Variants in AP3D1 observed in about 807,000 individuals in gnomAD.
AP3D1 encodes the protein AP-3 complex subunit delta-1.
AP3D1 carries 51 observed loss-of-function variants against 147.6 expected under a neutral mutation model. The observed-to-expected ratio is 0.35, with a 90% CI of 0.28 to 0.44. AP3D1 has a LOEUF of 0.44. Among genes scored for constraint, AP3D1 ranks in the 20% least tolerant of loss-of-function variants. The pLI is 1.00. For missense variants in AP3D1, 1,421 were observed against 1,624.2 expected, an observed-to-expected ratio of 0.87 and a Z score of 2.15; for synonymous variants, 760 against 663.0, an observed-to-expected ratio of 1.15 and a Z score of -2.25.
rs762618929 is a variant in AP3D1, at chr19:2,111,350, G to C, written c.2938-18C>G. ...GACTCAGGCTGGAAATAGAAAAGGC[G>C]CATCAGCCTTGGGGGCCCCGAGCTC... is the stretch of plus-strand genomic sequence containing the variant. On this transcript the variant is annotated intron_variant, in intron 25 of 31. Coordinates refer to ENST00000643116, the MANE Select transcript of AP3D1 (RefSeq NM_001261826.3). 1 of 1,613,710 alleles carries C rather than the reference G, an allele frequency of 6.2e-7. No homozygotes were observed. The highest frequency in any genetic ancestry group is 1.3e-5 in the African/African-American group (1 of 74,936).
In AP3D1 at chr19:2,119,779, C is replaced by T. The variant is rs2018560135; in HGVS notation, c.1482-947G>A. On this transcript the variant is annotated intron_variant, in intron 14 of 31. Transcript: ENST00000643116. ...TGAAACCCCATCTCTAATAAGAATACAAAAAAATTAGCCAGGCTTGAGCTT... is the reference window on the plus strand; with the variant it reads ...TGAAACCCCATCTCTAATAAGAATATAAAAAAATTAGCCAGGCTTGAGCTT... 3.6e-5 allele frequency among the ~76,000 whole-genome samples: 5 copies of T among 140,800 alleles called. No individual in the cohort carries two copies. In the Admixed American group the frequency reaches 3.6e-4, roughly 10 times the overall value. 92.4% of individuals were successfully genotyped at this position (140,800 alleles called of 152,430 possible).
chr19:2,115,490 C>G lies in AP3D1; in HGVS notation c.2149+48G>C, dbSNP rs200697680. 1,065 of 1,610,528 alleles carry G rather than the reference C, an allele frequency of 6.6e-4. 11 individuals carry two copies. Among genetic ancestry groups the G allele is most frequent in the Non-Finnish European group, 1.1e-4 (134 of 1,178,592 alleles). On this transcript the variant is annotated intron_variant, in intron 19 of 31. Coordinates refer to ENST00000643116, the MANE Select transcript of AP3D1 (RefSeq NM_001261826.3). ...TCACGGGGAGGGCGGCGGGAGCACC[C>G]CACAGCCCATGTGACAAATGCGGCG... is the stretch of plus-strand genomic sequence containing the variant.
intron 1 of AP3D1, among the ~76,000 whole-genome samples, chr19:2,157,373 C>T: frequency 7.1e-6 from 1 of 140,792 alleles, no homozygotes; most frequent in Non-Finnish European, 1.5e-5. Context: ...ACCCGGGAGG[C>T]AGAGCTTGCA....
chr19:2,108,329 G>C (rs113435217), intron 31 of AP3D1, among the ~76,000 whole-genome samples: 1 of 152,238 alleles, frequency 6.6e-6, no homozygotes, highest in African/African-American at 2.4e-5. Flanking sequence ...GGAGCGGAGG[G>C]AGCGAGGAGT....
At chr19:2,153,352 C>A (rs1345407978), upstream of AP3D1, among the ~76,000 whole-genome samples, 2 of 134,202 alleles carry the variant, frequency 1.5e-5, no homozygotes, top group African/African-American at 2.7e-5. Context: ...CTAGGCTGGG[C>A]AAAAGAGCGA....
rs1463115015 is a variant in AP3D1 at position 2,138,717 on chromosome 19, A to G, written c.97-3T>C. ...ATGCACTGAGATATGTATTTTGCCT[A>G]TAATGGGGGATAAACACAGAGATTA... On this transcript the variant is annotated splice_polypyrimidine_tract_variant and splice_region_variant and intron_variant, in intron 1 of 31. Coordinates refer to ENST00000643116, the MANE Select transcript of AP3D1 (RefSeq NM_001261826.3). The G allele has an allele frequency of 3.1e-6, 5 of 1,596,998 alleles. No homozygotes were observed. The South Asian group carries it at 4.4e-5, about 14-fold the overall frequency.
Position 2,109,662 on chromosome 19 carries a change from GGGTGACGCTGCCTGGCCTGT to G in AP3D1, c.3350+191_3350+210del, listed in dbSNP as rs1330591797. 11 of 584,900 alleles carry G rather than the reference GGGTGACGCTGCCTGGCCTGT, an allele frequency of 1.9e-5. No homozygotes were observed. In the East Asian group the frequency reaches 2.9e-4, roughly 15 times the overall value. 36.2% of individuals were successfully genotyped at this position (584,900 alleles called of 1,614,324 possible). A position where few individuals can be genotyped will look rare whatever the true frequency, so the allele number is the denominator to read the frequency against. ...GACTTCCAGGGGCCTGGACCTCTAT[GGGTGACGCTGCCTGGCCTGT>G]GGCTTCAACTACACGGCCCCGGCTG... On this transcript the variant is annotated intron_variant, in intron 29 of 31. Transcript: ENST00000643116.
intron 29 of AP3D1, 49 bp downstream of exon 29, chr19:2,109,824 G>A (rs772305509): frequency 6.4e-7 from 1 of 1,559,086 alleles, no homozygotes; most frequent in South Asian, 1.1e-5. Flanking sequence ...CAAGGTAGAG[G>A]GGAGGCGGAG....
At chr19:2,128,016 T>C (rs940616337) in intron 8 of AP3D1, among the ~76,000 whole-genome samples, 1 of 152,192 alleles carries the variant, frequency 6.6e-6, no homozygotes, top group African/African-American at 2.4e-5. Context: ...CATGGTGAAA[T>C]GTACTAATGA....
chr19:2,110,628 C>A (rs2018244428), intron 27 of AP3D1, 79 bp downstream of exon 27: 1 of 1,407,384 alleles, frequency 7.1e-7, no homozygotes, highest in African/African-American at 1.4e-5. Flanking sequence ...GCAACAAGAA[C>A]CAGCGGATCC....
Position 2,110,771 on chromosome 19 carries a change from C to T in AP3D1, c.3111G>A (p.Arg1037=), listed in dbSNP as rs574773348. 7.4e-6 allele frequency: 12 copies of T among 1,612,828 alleles called. No homozygotes were observed. The South Asian group carries it at 1.1e-4, about 15-fold the overall frequency. The part of the protein sequence containing the change: ...ELSVLDSLNA[R]MARPQGSSVH... Reference sequence around the variant, plus strand: ...CGGAGGAGCCCTGCGGCCGGGCCATCCTGGCATTGAGTGAGTCCAGCACGC... The same window carrying T: ...CGGAGGAGCCCTGCGGCCGGGCCATTCTGGCATTGAGTGAGTCCAGCACGC... Residue 1037 remains arginine (R), a synonymous_variant, in exon 27 of 32, where the codon AGG becomes AGA. Coordinates refer to ENST00000643116, the MANE Select transcript of AP3D1 (RefSeq NM_001261826.3).
At chr19:2,123,976 G>A (rs1223964678) in intron 9 of AP3D1, 97 bp from the exon 10 acceptor site, 1 of 1,305,266 alleles carries the variant, frequency 7.7e-7, no homozygotes, top group Non-Finnish European at 1.1e-6. Context: ...TCGCCGGGAG[G>A]AGGGATGGGA....
chr19:2,148,013 T>C (rs547679281), intron 1 of AP3D1, among the ~76,000 whole-genome samples: 19 of 150,846 alleles, frequency 1.3e-4, no homozygotes, highest in African/African-American at 4.6e-4. Context: ...CTACTAAAAA[T>C]ACAAAAAATT....
At position 2,137,103 on chromosome 19, in the gene AP3D1, C is replaced by T. The variant is rs1037246506; in HGVS notation, c.274-12G>A. 2.5e-6 allele frequency: 4 copies of T among 1,572,502 alleles called. No homozygotes were observed. The African/African-American group carries it at 5.4e-5, about 21-fold the overall frequency. ...AGGTAGCCAATTCGCTGGGAGAGAA[C>T]AGATGAGCACATCAGAGGCAGGACA... On this transcript the variant is annotated splice_polypyrimidine_tract_variant and intron_variant, in intron 3 of 31. Coordinates refer to ENST00000643116, the MANE Select transcript of AP3D1 (RefSeq NM_001261826.3).
At position 2,164,307 on chromosome 19, in the gene AP3D1, T is replaced by C. The variant is rs1178985819; in HGVS notation, c.-103+49A>G. 15 of 1,210,328 alleles carry C rather than the reference T, an allele frequency of 1.2e-5. No homozygotes were observed. The Admixed American group carries it at 2.6e-4, about 21-fold the overall frequency. The allele number at this position is 1,210,328 out of a possible 1,614,324, so 75.0% of individuals were successfully genotyped here. On this transcript the variant is annotated intron_variant, in intron 1 of 14. Transcript: ENST00000643010. ...ACCGTCCCTACCTCCCGGCCTCCCC[T>C]CCTCCGCCGCCCCTGGGGACACCCC...
chr19:2,108,258 C>A (rs780050362), intron 31 of AP3D1, among the ~76,000 whole-genome samples: 1 of 152,190 alleles, frequency 6.6e-6, no homozygotes, highest in Admixed American at 6.5e-5. Flanking sequence ...TCACACACTG[C>A]GTTTGGCAGT....
rs759452741 is a variant in AP3D1, at chr19:2,121,304, T to A, written c.1109A>T (p.Lys370Met). ...CTTCACGATCTCCATCAGGTTCTTC[T>A]TGGACACCTGGGCAAAAGTGTACAG... ...ALDLLYGMVS[K>M]KNLMEIVKKL... is the part of the protein sequence containing the mutation. The change falls in exon 13 of 32, where the codon AAG (lysine) becomes ATG (methionine). Residue 370 changes from lysine to methionine, a missense_variant. Lys to Met is a moderately conservative substitution (Grantham distance 95, BLOSUM62 -1). Around this residue, in one of 6 missense-constraint regions of AP3D1, gnomAD observed 310 missense variants for 388.1 expected, o/e 0.80. Transcript: ENST00000643116. 2 of 1,614,132 alleles carry A rather than the reference T, an allele frequency of 1.2e-6. No homozygotes were observed. Among genetic ancestry groups the A allele is most frequent in the Non-Finnish European group, 1.7e-6 (2 of 1,180,008 alleles).
At chr19:2,108,111 C>G (rs964968475) in intron 31 of AP3D1, among the ~76,000 whole-genome samples, 2 of 152,178 alleles carry the variant, frequency 1.3e-5, no homozygotes, top group African/African-American at 4.8e-5. Context: ...ATCACACAGT[C>G]TGCCCCAAAA....
In AP3D1 at chr19:2,133,108, T is replaced by C. The variant is rs1599479309; in HGVS notation, c.355-530A>G. The stretch of plus-strand genomic sequence containing the variant: ...TCACGTATCACTGGCAGCTCCCAGC[T>C]TGCAGAGACGGCGGTGCTGGGCCTG... On this transcript the variant is annotated intron_variant, in intron 4 of 31. Coordinates refer to ENST00000643116, the MANE Select transcript of AP3D1 (RefSeq NM_001261826.3). Among the ~76,000 whole-genome samples the C allele has an allele frequency of 3.9e-5, 6 of 152,318 alleles. 1 individual carries two copies. Among genetic ancestry groups the C allele is most frequent in the Admixed American group, 3.9e-4 (6 of 15,300 alleles).
Sources: allele counts gnomAD v4.1 joint callset (sites outside exome capture counted in the v4.1 genomes callset), GRCh38; gene constraint gnomAD v4.1.1; regional missense constraint gnomAD v4.1.1; transcripts MANE v1.5; gene names NCBI Gene and HGNC (gene_info 2026-07-23, HGNC 2026-07-21).